The following POLA1 variants were observed in gnomAD, a reference collection of about 807,000 sequenced individuals.
POLA1 encodes the protein DNA polymerase alpha 1, catalytic subunit, also known as DNA polymerase alpha catalytic subunit.
In POLA1, 15 loss-of-function variants were observed where a neutral mutation model predicts 124.0. That is an observed-to-expected ratio of 0.12 (90% CI 0.08 to 0.19). POLA1 has a LOEUF of 0.19. Ranked by LOEUF, POLA1 falls within the 10% of genes least tolerant of loss-of-function variation. POLA1 has a pLI of 1.00. For missense variants in POLA1, 886 were observed against 1,103.4 expected, an observed-to-expected ratio of 0.80 and a Z score of 2.79; for synonymous variants, 408 against 389.4, an observed-to-expected ratio of 1.05 and a Z score of -0.56.
Position 24,745,498 on chromosome X carries a change from A to G in POLA1, c.2647A>G (p.Thr883Ala). 2.6e-6 allele frequency: 3 copies of G among 1,156,640 alleles called. No individual in the cohort carries two copies. Among genetic ancestry groups the G allele is most frequent in the Non-Finnish European group, 3.5e-6 (3 of 846,943 alleles). The change falls in exon 24 of 37, where the codon ACA becomes GCA. Residue 883 changes from threonine (T) to alanine (A), a missense_variant. Thr to Ala is a moderately conservative substitution (Grantham distance 58). Around this residue, in one of 7 missense-constraint regions of POLA1, gnomAD observed 182 missense variants for 252.8 expected, o/e 0.72. Coordinates refer to ENST00000379068, the MANE Select transcript of POLA1 (RefSeq NM_001330360.2). The part of the protein sequence containing the change: ...SIIQEFNICF[T>A]TVQRVASEAQ... Reference sequence around the variant, plus strand: ...CATTCAGGAATTTAACATTTGTTTTACAACAGTACAAAGAGTTGCTTCAGA... The same window carrying G: ...CATTCAGGAATTTAACATTTGTTTTGCAACAGTACAAAGAGTTGCTTCAGA...
chrX:24,928,272 T>C (rs2047723972), intron 35 of POLA1, among the ~76,000 whole-genome samples: 1 of 111,955 alleles, frequency 8.9e-6, no homozygotes, highest in East Asian at 2.8e-4. Flanking sequence ...GCTGACGCTT[T>C]ATTCCTTCAT....
chrX:24,775,844 C>T lies in POLA1; in HGVS notation c.2964+26852C>T, dbSNP rs11573391. Among the ~76,000 whole-genome samples, 1,113 of 111,715 alleles carry T rather than the reference C, an allele frequency of 1.0e-2. 16 individuals carry two copies. Among genetic ancestry groups the T allele is most frequent in the African/African-American group, 0.034 (1,060 of 30,788 alleles). ...TTACTAAACATTAGATTTTTAGACTCATCTCATTTAGGCTGAAAGGAACCT... is the reference window on the plus strand; with the variant it reads ...TTACTAAACATTAGATTTTTAGACTTATCTCATTTAGGCTGAAAGGAACCT... On this transcript the variant is annotated intron_variant, in intron 26 of 36. Coordinates refer to ENST00000379068, the MANE Select transcript of POLA1 (RefSeq NM_001330360.2).
At chrX:24,711,540 G>A (rs948282241) in intron 4 of POLA1, among the ~76,000 whole-genome samples, 1 of 112,085 alleles carries the variant, frequency 8.9e-6, no homozygotes, top group African/African-American at 3.2e-5. Flanking sequence ...TGTGCATATG[G>A]CGTTTTCCTC....
intron 35 of POLA1, among the ~76,000 whole-genome samples, chrX:24,889,015 G>A (rs1213124666): frequency 1.8e-5 from 2 of 110,712 alleles, no homozygotes; most frequent in Non-Finnish European, 3.8e-5. Flanking sequence ...GACTACAGGC[G>A]TATGCCACCA....
chrX:24,932,106 C>T (rs2147216781), intron 36 of POLA1, among the ~76,000 whole-genome samples: 1 of 112,019 alleles, frequency 8.9e-6, no homozygotes, highest in African/African-American at 3.2e-5. Flanking sequence ...ACCTTGTTGG[C>T]CAGGCTGGCC....
chrX:24,991,479 C>T (rs1419965983), intron 36 of POLA1, among the ~76,000 whole-genome samples: 2 of 112,620 alleles, frequency 1.8e-5, no homozygotes, highest in East Asian at 5.6e-4. Context: ...TGTCTCCTCC[C>T]TTCTCGCATC....
At chrX:24,990,482 T>C (rs2048522929) in intron 36 of POLA1, among the ~76,000 whole-genome samples, 1 of 112,546 alleles carries the variant, frequency 8.9e-6, no homozygotes, top group Non-Finnish European at 1.9e-5. Context: ...AATCCACTGG[T>C]ACAATTGTCA....
chrX:24,872,097 G>A (rs2046873484), intron 34 of POLA1, among the ~76,000 whole-genome samples: 3 of 111,421 alleles, frequency 2.7e-5, no homozygotes, highest in African/African-American at 3.3e-5. Context: ...AATATTAACC[G>A]TTGTAATTAG....
At chrX:24,789,187 G>T in intron 26 of POLA1, 1 of 623,506 alleles carries the variant, frequency 1.6e-6, no homozygotes. Context: ...AAAAGTAAAA[G>T]GCATGCAAAT....
At chrX:24,803,085 A>G (rs905478672) in intron 26 of POLA1, among the ~76,000 whole-genome samples, 2 of 112,035 alleles carry the variant, frequency 1.8e-5, no homozygotes, top group African/African-American at 6.5e-5. Flanking sequence ...GCCAGTTATC[A>G]TGTTTGGAGC....
chrX:24,878,592 C>A (rs1433314258), intron 34 of POLA1, among the ~76,000 whole-genome samples: 1 of 110,563 alleles, frequency 9.0e-6, no homozygotes, highest in East Asian at 2.8e-4. Context: ...AAATCATATT[C>A]CATAAAAGAC....
chrX:24,699,633 A>G, intron 2 of POLA1, 84 bp downstream of exon 2: 1 of 785,942 alleles, frequency 1.3e-6, no homozygotes, highest in East Asian at 3.7e-5. Context: ...CCTTTGCCCC[A>G]GATTAGAAAT....
chrX:24,821,804 A>C (rs2046091834), intron 31 of POLA1, among the ~76,000 whole-genome samples: 1 of 112,288 alleles, frequency 8.9e-6, no homozygotes, highest in Admixed American at 9.4e-5. Flanking sequence ...TTTTAACCCT[A>C]AATTAACTTT....
intron 10 of POLA1, among the ~76,000 whole-genome samples, chrX:24,719,991 G>T (rs1017337687): frequency 9.2e-6 from 1 of 108,907 alleles, no homozygotes; most frequent in African/African-American, 3.4e-5. Context: ...CATGTCAGTC[G>T]TCATTAAAAA....
rs763690370 is a variant in POLA1, at chrX:24,717,679, A to G, written c.1008A>G (p.Pro336=). Residue 336 remains proline (P), a synonymous_variant, in exon 10 of 37, where the codon CCA becomes CCG. Transcript: ENST00000379068. ...QEVQVDSSHL[P]LVKGADEEQV... ...TTCAAGTGGATTCCAGTCACCTCCC[A>G]TTGGTAAAAGGGGCAGATGAGGAAC... 5 of 1,206,458 alleles carry G rather than the reference A, an allele frequency of 4.1e-6. No homozygotes were observed. The highest frequency in any genetic ancestry group is 4.3e-5 in the Admixed American group (2 of 46,009).
chrX:24,818,359 T>TA (rs2046028234), intron 30 of POLA1, among the ~76,000 whole-genome samples: 1 of 111,857 alleles, frequency 8.9e-6, no homozygotes, highest in Admixed American at 9.5e-5. Context: ...TAAGTACTGT[T>TA]ATATCAGTTA....
chrX:24,733,772 G>A lies in POLA1; in HGVS notation c.1789G>A (p.Asp597Asn), dbSNP rs143288590. 5.3e-6 allele frequency: 6 copies of A among 1,134,600 alleles called. No homozygotes were observed. In the African/African-American group the frequency reaches 9.0e-5, roughly 17 times the overall value. The allele number at this position is 1,134,600 out of a possible 1,213,427, so 93.5% of individuals were successfully genotyped here. The change falls in exon 17 of 37, where the codon GAC becomes AAC. Residue 597 changes from aspartate (D) to asparagine (N), a missense_variant. Physicochemically the swap from Asp to Asn is conservative, Grantham distance 23. Around this residue, in one of 7 missense-constraint regions of POLA1, gnomAD observed 337 missense variants for 402.8 expected, o/e 0.84. Coordinates refer to ENST00000379068, the MANE Select transcript of POLA1 (RefSeq NM_001330360.2). ...SHFCVVSKPK[D>N]CIFPYAFKEV... ...TTTTACAGTTGTGTCTAAACCAAAGGACTGTATTTTTCCATATGCTTTCAA... is the reference window on the plus strand; with the variant it reads ...TTTTACAGTTGTGTCTAAACCAAAGAACTGTATTTTTCCATATGCTTTCAA...
intron 36 of POLA1, among the ~76,000 whole-genome samples, chrX:24,956,331 A>G (rs774108808): frequency 4.6e-5 from 5 of 108,293 alleles, no homozygotes; most frequent in Non-Finnish European, 9.5e-5. Context: ...ATGTATTTAT[A>G]TATATATTAT....
At chrX:24,849,277 G>T (rs1022410591) in intron 34 of POLA1, among the ~76,000 whole-genome samples, 3 of 112,533 alleles carry the variant, frequency 2.7e-5, no homozygotes, top group Non-Finnish European at 5.6e-5. Flanking sequence ...GCCCAGCAGC[G>T]CTTGAAGAAG....
Sources: allele counts gnomAD v4.1 joint callset (sites outside exome capture counted in the v4.1 genomes callset), GRCh38; gene constraint gnomAD v4.1.1; regional missense constraint gnomAD v4.1.1; transcripts MANE v1.5; gene names NCBI Gene and HGNC (gene_info 2026-07-23, HGNC 2026-07-21).